RAPGEF6: variants seen among roughly 807,000 people sequenced by gnomAD.
RAPGEF6 encodes the protein Rap guanine nucleotide exchange factor 6.
Under a neutral mutation model 171.4 loss-of-function variants are expected in RAPGEF6, and 56 were observed. The observed-to-expected ratio is 0.33, with a 90% CI of 0.26 to 0.41. RAPGEF6 has a LOEUF of 0.41. Ranked by LOEUF, RAPGEF6 falls within the 10% of genes least tolerant of loss-of-function variation. The pLI is 1.00. For missense variants in RAPGEF6, 1,674 were observed against 1,921.4 expected, an observed-to-expected ratio of 0.87 and a Z score of 2.41; for synonymous variants, 692 against 650.1, an observed-to-expected ratio of 1.06 and a Z score of -0.98.
intron 19 of RAPGEF6, among the ~76,000 whole-genome samples, chr5:131,460,412 T>TA (rs758334423): frequency 1.4e-4 from 22 of 152,330 alleles, no homozygotes; most frequent in Non-Finnish European, 2.9e-4. Context: ...CCCTCTTTTT[T>TA]ATACAGAGAT....
chr5:131,469,895 T>G (rs1754627110), intron 17 of RAPGEF6: 18 of 1,074,876 alleles, frequency 1.7e-5, no homozygotes, highest in Non-Finnish European at 2.0e-5. Context: ...GCCCCCACTT[T>G]CATTTTGATC....
chr5:131,603,453 T>C (rs1764373282), intron 2 of RAPGEF6, 126 bp from the exon 3 acceptor site: 1 of 621,956 alleles, frequency 1.6e-6, no homozygotes. Context: ...CAGTATGTTG[T>C]CACTAAACTA....
At chr5:131,511,556 T>C (rs1353671397) in intron 7 of RAPGEF6, among the ~76,000 whole-genome samples, 2 of 149,660 alleles carry the variant, frequency 1.3e-5, no homozygotes, top group African/African-American at 4.9e-5. Flanking sequence ...TGGTGTGCAC[T>C]GCAGATCTCG....
At chr5:131,545,034 T>C (rs1002022688) in intron 6 of RAPGEF6, among the ~76,000 whole-genome samples, 1 of 152,060 alleles carries the variant, frequency 6.6e-6, no homozygotes, top group Non-Finnish European at 1.5e-5. Context: ...AATATCTCAA[T>C]AAAGTGATAA....
chr5:131,444,984 A>G (rs1373694068), intron 22 of RAPGEF6, among the ~76,000 whole-genome samples: 1 of 152,234 alleles, frequency 6.6e-6, no homozygotes, highest in Admixed American at 6.5e-5. Flanking sequence ...GAAAGCTCTC[A>G]ATAACTGTTA....
chr5:131,451,037 TAG>T (rs773693538), intron 21 of RAPGEF6, among the ~76,000 whole-genome samples: 46 of 152,164 alleles, frequency 3.0e-4, no homozygotes, highest in Non-Finnish European at 5.3e-4. Flanking sequence ...CATAAGCCAA[TAG>T]AGAGTGTTAG....
chr5:131,541,950 A>C (rs1389914071), intron 6 of RAPGEF6, among the ~76,000 whole-genome samples: 1 of 139,700 alleles, frequency 7.2e-6, no homozygotes, highest in Non-Finnish European at 1.6e-5. Context: ...TCTCCATCTC[A>C]TTTGATTGGC....
At chr5:131,621,017 T>C (rs1580692166) in intron 1 of RAPGEF6, among the ~76,000 whole-genome samples, 4 of 152,242 alleles carry the variant, frequency 2.6e-5, no homozygotes, top group African/African-American at 9.6e-5. Flanking sequence ...TCATCTACTT[T>C]ACCATTCATT....
At chr5:131,553,952 C>A (rs550748822) in intron 5 of RAPGEF6, among the ~76,000 whole-genome samples, 1 of 149,876 alleles carries the variant, frequency 6.7e-6, no homozygotes, top group Non-Finnish European at 1.5e-5. Context: ...TAGAACAAGA[C>A]AATATTTAAG....
intron 16 of RAPGEF6, among the ~76,000 whole-genome samples, chr5:131,477,210 T>G (rs997583428): frequency 6.6e-6 from 1 of 152,216 alleles, no homozygotes; most frequent in South Asian, 2.1e-4. Context: ...GCCAGTCTGA[T>G]AGGTAAGACA....
chr5:131,506,637 C>T (rs1178576880), intron 9 of RAPGEF6, among the ~76,000 whole-genome samples: 1 of 151,960 alleles, frequency 6.6e-6, no homozygotes. Context: ...ATAAGATATA[C>T]TCACTACACA....
At position 131,492,767 on chromosome 5, in the gene RAPGEF6, G is replaced by A. The variant is rs199588545; in HGVS notation, c.1546C>T (p.Arg516Trp). 1.2e-5 allele frequency: 20 copies of A among 1,612,894 alleles called. No homozygotes were observed. The highest frequency in any genetic ancestry group is 1.7e-5 in the Admixed American group (1 of 59,992). The part of the protein sequence containing the change: ...LEDTKMNGHL[R>W]LLNIACAAKA... ...GCAGCACAGGCAATATTCAATAACC[G>A]GAGATGACCATTCATCTTCTGTTAA... Residue 516 changes from arginine (R) to tryptophan (W), a missense_variant, in exon 14 of 28, where the codon CGG (arginine) becomes TGG (tryptophan). Arg to Trp is a moderately radical substitution (Grantham distance 101). Around this residue, in one of 3 missense-constraint regions of RAPGEF6, gnomAD observed 1,116 missense variants for 1,321.5 expected, o/e 0.84. Coordinates refer to ENST00000509018, the MANE Select transcript of RAPGEF6 (RefSeq NM_016340.6).
At chr5:131,511,791 T>C (rs1487971994) in intron 7 of RAPGEF6, among the ~76,000 whole-genome samples, 1 of 152,138 alleles carries the variant, frequency 6.6e-6, no homozygotes, top group Non-Finnish European at 1.5e-5. Context: ...TGAGCCACCA[T>C]GCCCAGCTGA....
chr5:131,539,610 T>C (rs1373144039), intron 6 of RAPGEF6, among the ~76,000 whole-genome samples: 1 of 152,044 alleles, frequency 6.6e-6, no homozygotes, highest in Non-Finnish European at 1.5e-5. Context: ...CGAAACACAC[T>C]TGCAATAATA....
At position 131,544,446 on chromosome 5, in the gene RAPGEF6, C is replaced by CA. The variant is rs111242841; in HGVS notation, c.495+3600_495+3601insT. ...TAATGTGTGAAAGAAGCCCACCCCC[C>CA]CAAAAAAAATCCACAATATATGATG... On this transcript the variant is annotated intron_variant, in intron 6 of 27. Transcript: ENST00000509018. Among the ~76,000 whole-genome samples the CA allele has an allele frequency of 6.1e-3, 928 of 151,722 alleles. 4 individuals are homozygous for CA. The highest frequency in any genetic ancestry group is 0.021 in the African/African-American group (880 of 41,346).
At chr5:131,622,254 G>A (rs772881187) in intron 1 of RAPGEF6, among the ~76,000 whole-genome samples, 2 of 152,156 alleles carry the variant, frequency 1.3e-5, no homozygotes, top group Non-Finnish European at 2.9e-5. Flanking sequence ...GCAGTCATTT[G>A]GAAGTTTAGA....
chr5:131,609,566 A>AT (rs756629125), intron 1 of RAPGEF6, among the ~76,000 whole-genome samples: 49 of 152,220 alleles, frequency 3.2e-4, no homozygotes, highest in Non-Finnish European at 6.0e-4. Context: ...ATGACACTAG[A>AT]TAGAGGCTAC....
rs1365338699 is a variant in RAPGEF6 at position 131,545,220 on chromosome 5, AATC to A, written c.495+2824_495+2826del. On this transcript the variant is annotated intron_variant, in intron 6 of 27. Coordinates refer to ENST00000509018, the MANE Select transcript of RAPGEF6 (RefSeq NM_016340.6). ...ACTATAAAAATATTTCATATGAATAAATCATCTTTTTCAGTCATTCTAAGAATT... is the reference window on the plus strand; with the variant it reads ...ACTATAAAAATATTTCATATGAATAAATCTTTTTCAGTCATTCTAAGAATT... 5.3e-5 allele frequency among the ~76,000 whole-genome samples: 8 copies of A among 152,320 alleles called. No individual in the cohort carries two copies. In the East Asian group the frequency reaches 1.5e-3, roughly 29 times the overall value.
At chr5:131,496,062 C>G (rs960535763) in intron 12 of RAPGEF6, among the ~76,000 whole-genome samples, 9 of 152,138 alleles carry the variant, frequency 5.9e-5, no homozygotes, top group African/African-American at 1.7e-4. Flanking sequence ...AAATCTGAGT[C>G]TGGTGCAGTG....
Sources: gnomAD v4.1 joint callset for allele counts (sites outside exome capture counted in the v4.1 genomes callset) on GRCh38, gnomAD v4.1.1 for gene constraint, gnomAD v4.1.1 regional missense constraint, MANE v1.5 for transcripts, NCBI Gene and HGNC (gene_info 2026-07-23, HGNC 2026-07-21) for gene names.